The following CAMTA1 variants were observed in gnomAD, a reference collection of about 807,000 sequenced individuals.
The protein encoded by CAMTA1 is calmodulin binding transcription activator 1.
CAMTA1 carries 27 observed loss-of-function variants against 170.9 expected under a neutral mutation model. The ratio of observed to expected loss-of-function variants is 0.16; its 90% CI spans 0.12 to 0.22. The LOEUF (loss-of-function observed/expected upper bound fraction) is 0.22, where lower values mean the gene tolerates loss of function less well. CAMTA1 is among the 10% of genes least tolerant of loss of function. The probability of loss-of-function intolerance (pLI) is 1.00; values close to 1 mark genes in which losing one functional copy is unlikely to be tolerated. For missense variants in CAMTA1, 1,619 were observed against 2,217.2 expected, an observed-to-expected ratio of 0.73 and a Z score of 5.42; for synonymous variants, 833 against 891.5, an observed-to-expected ratio of 0.93 and a Z score of 1.17.
rs577153041 is a variant in CAMTA1 at position 7,238,677 on chromosome 1, A to G, written c.303-10814A>G. Among the ~76,000 whole-genome samples, 5 of 152,376 alleles carry G rather than the reference A, an allele frequency of 3.3e-5. No homozygotes were observed. The East Asian group carries it at 7.7e-4, about 24-fold the overall frequency. ...GGCAGGCAGATCACCTGAGGTCAGG[A>G]GTTCAAGACCAGCCTGACCAACATG... On this transcript the variant is annotated intron_variant, in intron 4 of 22. Coordinates refer to ENST00000303635, the MANE Select transcript of CAMTA1 (RefSeq NM_015215.4).
chr1:6,941,926 G>C (rs946996486), intron 3 of CAMTA1, among the ~76,000 whole-genome samples: 6 of 152,340 alleles, frequency 3.9e-5, no homozygotes, highest in African/African-American at 1.4e-4. Context: ...AGCCACTGAA[G>C]AGCCTGAGAA....
intron 1 of CAMTA1, among the ~76,000 whole-genome samples, chr1:6,799,029 C>T (rs554295486): frequency 6.6e-6 from 1 of 152,164 alleles, no homozygotes; most frequent in African/African-American, 2.4e-5. Context: ...CAAACTCTTT[C>T]CTTTTTACTA....
Position 7,534,057 on chromosome 1 carries a change from C to T in CAMTA1, c.510+66156C>T, listed in dbSNP as rs1024063995. On this transcript the variant is annotated intron_variant, in intron 6 of 22. Coordinates refer to ENST00000303635, the MANE Select transcript of CAMTA1 (RefSeq NM_015215.4). The surrounding 1 kb of genome is among the most constrained non-coding windows in gnomAD (Gnocchi z 5.6). ...CCTGACCCTGAACCCTGCCCTTGCC[C>T]AGCCTGGCTCTCCTGGGGGCTCATG... Among the ~76,000 whole-genome samples the T allele has an allele frequency of 3.3e-5, 5 of 152,208 alleles. No individual in the cohort carries two copies. Among genetic ancestry groups the T allele is most frequent in the Admixed American group, 2.0e-4 (3 of 15,286 alleles).
At chr1:7,378,788 A>T (rs112099085) in intron 5 of CAMTA1, among the ~76,000 whole-genome samples, 27 of 152,290 alleles carry the variant, frequency 1.8e-4, no homozygotes, top group African/African-American at 6.0e-4. Context: ...TCGGAGACCG[A>T]GTCAGAGGCC....
In CAMTA1 at chr1:7,663,648, C is replaced by G; in HGVS notation, c.1101C>G (p.Asn367Lys). 6.2e-7 allele frequency: 1 copy of G among 1,614,192 alleles called. No individual in the cohort carries two copies. The highest frequency in any genetic ancestry group is 8.5e-7 in the Non-Finnish European group (1 of 1,180,040). Residue 367 changes from asparagine (N) to lysine (K), a missense_variant, in exon 9 of 23, where the codon AAC becomes AAG. Physicochemically the swap from Asn to Lys is moderately conservative, Grantham distance 94 (BLOSUM62 0). Around this residue, in one of 8 missense-constraint regions of CAMTA1, gnomAD observed 731 missense variants for 907.6 expected, o/e 0.81. Coordinates refer to ENST00000303635, the MANE Select transcript of CAMTA1 (RefSeq NM_015215.4). Reference sequence around the variant, plus strand: ...CTGTGTCCATCAGCAGCGGGCTCAACAGCGACCCGGACATGGTGGACAGCC... The same window carrying G: ...CTGTGTCCATCAGCAGCGGGCTCAAGAGCGACCCGGACATGGTGGACAGCC... ...SSPVSISSGL[N>K]SDPDMVDSPV...
chr1:6,911,871 T>A (rs188184791), intron 3 of CAMTA1, among the ~76,000 whole-genome samples: 1 of 152,370 alleles, frequency 6.6e-6, no homozygotes, highest in African/African-American at 2.4e-5. Flanking sequence ...TGGCACACAC[T>A]GAGGGCACAG....
chr1:7,293,269 A>T lies in CAMTA1; in HGVS notation c.438+43643A>T, dbSNP rs1307206500. 1.3e-5 allele frequency among the ~76,000 whole-genome samples: 2 copies of T among 152,144 alleles called. No individual in the cohort carries two copies. Among genetic ancestry groups the T allele is most frequent in the Admixed American group, 6.5e-5 (1 of 15,274 alleles). On this transcript the variant is annotated intron_variant, in intron 5 of 22. Coordinates refer to ENST00000303635, the MANE Select transcript of CAMTA1 (RefSeq NM_015215.4). This position sits in a 1 kb window ranked among gnomAD's most constrained non-coding sequence, Gnocchi z 4.1. The stretch of plus-strand genomic sequence containing the variant: ...TGAGAGACCGCCACTCGTCTCCAGG[A>T]GCTCCCGCCAGAGGCCTGCTGTGAC...
chr1:7,718,853 CTT>C (rs1380463151), intron 11 of CAMTA1, among the ~76,000 whole-genome samples: 2 of 134,556 alleles, frequency 1.5e-5, no homozygotes, highest in African/African-American at 2.8e-5. Context: ...CCGGTCAGCC[CTT>C]TTTTTTTTTT....
intron 3 of CAMTA1, among the ~76,000 whole-genome samples, chr1:6,926,474 TTCTTTCTTTCTTTCTC>T (rs1557838211): frequency 1.2e-4 from 17 of 137,798 alleles, no homozygotes; most frequent in Non-Finnish European, 1.6e-5. Context: ...CTTTCTTTCT[TTCTTTCTTTCTTTCTC>T]TCTCTCTTTT....
chr1:7,356,302 A>C (rs922439111), intron 5 of CAMTA1, among the ~76,000 whole-genome samples: 1 of 152,230 alleles, frequency 6.6e-6, no homozygotes, highest in Non-Finnish European at 1.5e-5. Context: ...GGCAGGGCTC[A>C]AGTGCCCTTG....
chr1:6,998,607 C>A, intron 3 of CAMTA1, among the ~76,000 whole-genome samples: 1 of 152,256 alleles, frequency 6.6e-6, no homozygotes, highest in East Asian at 1.9e-4. Context: ...CTCCATAGCA[C>A]CGTCTGGTGC....
intron 10 of CAMTA1, among the ~76,000 whole-genome samples, chr1:7,672,451 C>G (rs905543972): frequency 6.6e-6 from 1 of 151,996 alleles, no homozygotes; most frequent in South Asian, 2.1e-4. Flanking sequence ...GAGATGGAGT[C>G]TCACTCTTTT....
At chr1:7,367,702 C>T (rs749876770) in intron 5 of CAMTA1, among the ~76,000 whole-genome samples, 4 of 152,268 alleles carry the variant, frequency 2.6e-5, no homozygotes, top group Admixed American at 6.5e-5. Context: ...GCCAATACCA[C>T]GATAGATGTC....
chr1:7,061,093 G>A (rs1309024712), intron 3 of CAMTA1, among the ~76,000 whole-genome samples: 1 of 152,194 alleles, frequency 6.6e-6, no homozygotes, highest in African/African-American at 2.4e-5. Flanking sequence ...AGACTGTCCA[G>A]GAACAGGTTT....
intron 5 of CAMTA1, among the ~76,000 whole-genome samples, chr1:7,253,387 C>T (rs917101225): frequency 6.6e-6 from 1 of 152,152 alleles, no homozygotes; most frequent in Non-Finnish European, 1.5e-5. Flanking sequence ...TTTTCTCTGG[C>T]CCCAGAAGCT....
chr1:6,814,253 C>T (rs554547783), intron 1 of CAMTA1, among the ~76,000 whole-genome samples: 2 of 152,240 alleles, frequency 1.3e-5, no homozygotes, highest in East Asian at 3.9e-4. Flanking sequence ...AATTAAAAAG[C>T]AGTTTACAGA....
At chr1:7,147,550 G>A (rs994419130) in intron 4 of CAMTA1, among the ~76,000 whole-genome samples, 16 of 141,312 alleles carry the variant, frequency 1.1e-4, no homozygotes, top group East Asian at 4.4e-4. Flanking sequence ...CTATGCACAC[G>A]CAAACACAAA....
chr1:7,692,427 T>C (rs2096326734), intron 11 of CAMTA1, among the ~76,000 whole-genome samples: 2 of 152,106 alleles, frequency 1.3e-5, no homozygotes, highest in Admixed American at 1.3e-4. Flanking sequence ...ACATGGTAGG[T>C]TGTGGTGCAT....
At chr1:7,051,129 T>C (rs1706283403) in intron 3 of CAMTA1, among the ~76,000 whole-genome samples, 1 of 152,114 alleles carries the variant, frequency 6.6e-6, no homozygotes, top group Non-Finnish European at 1.5e-5. Context: ...AATGTCGACA[T>C]TGAATATGTT....
Sources: gnomAD v4.1 joint callset for allele counts (sites outside exome capture counted in the v4.1 genomes callset) on GRCh38, gnomAD v4.1.1 for gene constraint, gnomAD v4.1.1 regional missense constraint, Gnocchi (gnomAD v3.1) non-coding constraint, MANE v1.5 for transcripts, NCBI Gene and HGNC (gene_info 2026-07-23, HGNC 2026-07-21) for gene names.